ABI3BP: variants seen among roughly 807,000 people sequenced by gnomAD.
The protein encoded by ABI3BP is ABI family member 3 binding protein.
ABI3BP carries 216 observed loss-of-function variants against 268.6 expected under a neutral mutation model. The observed-to-expected ratio is 0.80, with a 90% CI of 0.72 to 0.90. The LOEUF (loss-of-function observed/expected upper bound fraction) is 0.90, where lower values mean the gene tolerates loss of function less well. ABI3BP is among the 40% of genes least tolerant of loss of function. The probability of loss-of-function intolerance (pLI) is 0.00; values close to 1 mark genes in which losing one functional copy is unlikely to be tolerated. For missense variants in ABI3BP, 2,090 were observed against 2,182.4 expected, an observed-to-expected ratio of 0.96 and a Z score of 0.84; for synonymous variants, 730 against 730.0, an observed-to-expected ratio of 1.00 and a Z score of 0.00.
chr3:100,857,438 T>G lies in ABI3BP; in HGVS notation c.1285+4873A>C, dbSNP rs184460715. Among the ~76,000 whole-genome samples, 57 of 152,358 alleles carry G rather than the reference T, an allele frequency of 3.7e-4. No individual in the cohort carries two copies. In the East Asian group the frequency reaches 9.1e-3, roughly 24 times the overall value. Reference sequence around the variant, plus strand: ...TCCATTTTATAGATGGAACAAGTTATTTAACTGGTAGTTGAGCTGGCTATT... The same window carrying G: ...TCCATTTTATAGATGGAACAAGTTAGTTAACTGGTAGTTGAGCTGGCTATT... On this transcript the variant is annotated intron_variant, in intron 14 of 67. Transcript: ENST00000471714.
chr3:100,909,390 A>T, intron 2 of ABI3BP, among the ~76,000 whole-genome samples: 1 of 150,906 alleles, frequency 6.6e-6, no homozygotes, highest in East Asian at 1.9e-4. Flanking sequence ...AATGGCAAAA[A>T]AAAAAAGCCA....
chr3:100,869,921 AC>A (rs1321165248), intron 9 of ABI3BP, among the ~76,000 whole-genome samples: 1 of 152,078 alleles, frequency 6.6e-6, no homozygotes, highest in African/African-American at 2.4e-5. Context: ...ACTTTGGCAA[AC>A]CCTTTGTATG....
At chr3:100,756,248 G>A (rs2095609735) in intron 63 of ABI3BP, among the ~76,000 whole-genome samples, 1 of 152,230 alleles carries the variant, frequency 6.6e-6, no homozygotes, top group Non-Finnish European at 1.5e-5. Context: ...AAACTGGCCA[G>A]GTGCGGTGGC....
At chr3:100,753,495 G>A (rs977536917) in intron 65 of ABI3BP, among the ~76,000 whole-genome samples, 2 of 151,536 alleles carry the variant, frequency 1.3e-5, no homozygotes, top group Admixed American at 6.6e-5. Context: ...GTCTCATTAC[G>A]TTGCCAGGCT....
At chr3:100,822,007 C>T (rs917242292) in intron 38 of ABI3BP, among the ~76,000 whole-genome samples, 2 of 152,164 alleles carry the variant, frequency 1.3e-5, no homozygotes, top group Middle Eastern at 6.8e-3. Context: ...TCTACTCATC[C>T]CTGTGCCTTG....
At chr3:100,871,082 G>A (rs2099104801) in intron 9 of ABI3BP, among the ~76,000 whole-genome samples, 1 of 152,054 alleles carries the variant, frequency 6.6e-6, no homozygotes, top group Non-Finnish European at 1.5e-5. Context: ...CAGATGCATA[G>A]GATGAATAAG....
At chr3:100,915,505 T>C (rs2058318737) in intron 2 of ABI3BP, among the ~76,000 whole-genome samples, 1 of 151,870 alleles carries the variant, frequency 6.6e-6, no homozygotes, top group Non-Finnish European at 1.5e-5. Flanking sequence ...TGAATAGGGA[T>C]GGGAAGTAGA....
intron 21 of ABI3BP, 122 bp from the exon 22 acceptor site, chr3:100,840,980 C>T (rs1317730289): frequency 2.7e-6 from 2 of 742,116 alleles, no homozygotes; most frequent in Non-Finnish European, 2.1e-6. Context: ...AATGGTGAAG[C>T]TTTTATCCAC....
At chr3:100,976,635 C>T (rs1353675739) in intron 1 of ABI3BP, among the ~76,000 whole-genome samples, 1 of 152,138 alleles carries the variant, frequency 6.6e-6, no homozygotes, top group Non-Finnish European at 1.5e-5. Context: ...TTCATAATGC[C>T]TACCCTGGAG....
intron 9 of ABI3BP, among the ~76,000 whole-genome samples, chr3:100,869,235 G>A (rs1456205815): frequency 2.2e-5 from 3 of 135,364 alleles, no homozygotes; most frequent in Non-Finnish European, 3.1e-5. Flanking sequence ...AATGAAGAAA[G>A]GCAAACTACC....
At chr3:100,818,155 G>GA (rs372449019) in intron 41 of ABI3BP, among the ~76,000 whole-genome samples, 5 of 152,098 alleles carry the variant, frequency 3.3e-5, no homozygotes, top group South Asian at 2.1e-4. Flanking sequence ...CTAATAAAAT[G>GA]AAAAATAATA....
chr3:100,905,096 T>C (rs1401838805), intron 2 of ABI3BP, among the ~76,000 whole-genome samples: 1 of 152,054 alleles, frequency 6.6e-6, no homozygotes, highest in Non-Finnish European at 1.5e-5. Flanking sequence ...AAATGATGAG[T>C]TCATGTCCTT....
Position 100,982,177 on chromosome 3 carries a change from AGAAACCACCCCCAT to A in ABI3BP, c.79+11115_79+11128del, listed in dbSNP as rs1469192638. Among the ~76,000 whole-genome samples the A allele has an allele frequency of 5.1e-4, 16 of 31,110 alleles. No individual in the cohort carries two copies. In the East Asian group the frequency reaches 0.14, roughly 268 times the overall value. 20.4% of individuals were successfully genotyped at this position (31,110 alleles called of 152,430 possible). ...CTCACTATCACGAGAACAGCGTGGG[AGAAACCACCCCCAT>A]GATCCAATCACCTCCCACCAAGTTC... is the stretch of plus-strand genomic sequence containing the variant. On this transcript the variant is annotated intron_variant, in intron 1 of 67. Coordinates refer to ENST00000471714, the MANE Select transcript of ABI3BP (RefSeq NM_001375547.2).
At chr3:100,860,479 A>T (rs949219803) in intron 14 of ABI3BP, among the ~76,000 whole-genome samples, 2 of 152,198 alleles carry the variant, frequency 1.3e-5, no homozygotes, top group Non-Finnish European at 2.9e-5. Context: ...ATACTCCTTC[A>T]GGGCAAAACC....
At chr3:100,756,591 AATC>A (rs774562725) in intron 63 of ABI3BP, among the ~76,000 whole-genome samples, 3 of 152,206 alleles carry the variant, frequency 2.0e-5, no homozygotes, top group South Asian at 4.1e-4. Context: ...GAAAAAAAGA[AATC>A]ATAGCCATCT....
At chr3:100,891,501 C>T (rs890380511) in intron 4 of ABI3BP, among the ~76,000 whole-genome samples, 1 of 152,156 alleles carries the variant, frequency 6.6e-6, no homozygotes, top group Non-Finnish European at 1.5e-5. Flanking sequence ...ATTACTTACC[C>T]CCTTTTGCAG....
chr3:100,950,097 T>G (rs2074285269), intron 1 of ABI3BP, among the ~76,000 whole-genome samples: 2 of 152,172 alleles, frequency 1.3e-5, no homozygotes, highest in African/African-American at 4.8e-5. Flanking sequence ...TGGGTTCTTT[T>G]TCATTTCAGT....
At chr3:100,826,383 G>C (rs865781877) in intron 34 of ABI3BP, among the ~76,000 whole-genome samples, 1 of 152,052 alleles carries the variant, frequency 6.6e-6, no homozygotes, top group Non-Finnish European at 1.5e-5. Flanking sequence ...ACTATATCAA[G>C]TACACCATCT....
chr3:100,960,526 C>T (rs2078650904), intron 1 of ABI3BP, among the ~76,000 whole-genome samples: 2 of 152,132 alleles, frequency 1.3e-5, no homozygotes, highest in African/African-American at 4.8e-5. Flanking sequence ...ATATTACATA[C>T]AGAAGAATAA....
Sources: allele counts gnomAD v4.1 joint callset (sites outside exome capture counted in the v4.1 genomes callset), GRCh38; gene constraint gnomAD v4.1.1; transcripts MANE v1.5; gene names NCBI Gene and HGNC (gene_info 2026-07-23, HGNC 2026-07-21).